Variants in CBX5 observed in about 807,000 individuals in gnomAD.
CBX5 encodes the protein chromobox protein homolog 5.
Under a neutral mutation model 20.7 loss-of-function variants are expected in CBX5, and 7 were observed. The observed-to-expected ratio is 0.34, with a 90% CI of 0.19 to 0.63. CBX5 has a LOEUF of 0.63. CBX5 is among the 30% of genes least tolerant of loss of function. The probability of loss-of-function intolerance (pLI) is 0.75; values close to 1 mark genes in which losing one functional copy is unlikely to be tolerated. For missense variants in CBX5, 110 were observed against 224.1 expected, an observed-to-expected ratio of 0.49 and a Z score of 3.25; for synonymous variants, 78 against 77.0, an observed-to-expected ratio of 1.01 and a Z score of -0.07.
chr12:54,248,776 C>T (rs992921847), intron 3 of CBX5, among the ~76,000 whole-genome samples: 8 of 152,210 alleles, frequency 5.3e-5, no homozygotes, highest in African/African-American at 1.9e-4. Context: ...AATCATCATA[C>T]AGGCAGTAAT....
chr12:54,277,352 C>T (rs1261232281), intron 1 of CBX5, among the ~76,000 whole-genome samples: 1 of 152,150 alleles, frequency 6.6e-6, no homozygotes, highest in African/African-American at 2.4e-5. Flanking sequence ...TACAGGCACC[C>T]GCCACCACAC....
rs538669895 is a variant in CBX5 at position 54,246,849 on chromosome 12, C to A, written c.325-634G>T. On this transcript the variant is annotated intron_variant, in intron 3 of 4. Coordinates refer to ENST00000209875, the MANE Select transcript of CBX5 (RefSeq NM_012117.3). ...CTCTGGAGTCAACATCTAGGAACTC[C>A]TCTAATCCCACTCACTTGGAATCTC... is the stretch of plus-strand genomic sequence containing the variant. Among the ~76,000 whole-genome samples, 5 of 151,962 alleles carry A rather than the reference C, an allele frequency of 3.3e-5. No individual in the cohort carries two copies. In the South Asian group the frequency reaches 1.0e-3, roughly 32 times the overall value.
intron 1 of CBX5, among the ~76,000 whole-genome samples, chr12:54,260,832 G>A (rs1943909789): frequency 6.6e-6 from 1 of 152,114 alleles, no homozygotes; most frequent in Non-Finnish European, 1.5e-5. Context: ...CTTTATAGAT[G>A]TGGGAACTTT....
rs12818559 is a variant in CBX5 at position 54,280,037 on chromosome 12, C to G, written c.-72G>C. ...GATTGAGAGTGATCACTCACGCTAA[C>G]GTCTGCCCTGTTCCTGTATGGTGAG... On this transcript the variant is annotated 5_prime_UTR_variant, in exon 1 of 5. Coordinates refer to ENST00000209875, the MANE Select transcript of CBX5 (RefSeq NM_012117.3). 9.6e-5 allele frequency: 15 copies of G among 156,288 alleles called. No homozygotes were observed. In the South Asian group the frequency reaches 2.6e-3, roughly 27 times the overall value. The allele number at this position is 156,288 out of a possible 1,614,324, so 9.7% of individuals were successfully genotyped here. A position where few individuals can be genotyped will look rare whatever the true frequency, so the allele number is the denominator to read the frequency against.
intron 1 of CBX5, among the ~76,000 whole-genome samples, chr12:54,271,057 A>G (rs1565874641): frequency 6.6e-6 from 1 of 152,120 alleles, no homozygotes; most frequent in African/African-American, 2.4e-5. Context: ...CCCCGTTTAA[A>G]TTTTTTTAAA....
chr12:54,279,118 G>T (rs1422587110), intron 1 of CBX5: 2 of 152,154 alleles, frequency 1.3e-5, no homozygotes, highest in Non-Finnish European at 2.9e-5. Context: ...TTGGTGTGTA[G>T]CTTTCCAAAA....
At chr12:54,276,893 G>C (rs76481136) in intron 1 of CBX5, 1 of 152,274 alleles carries the variant, frequency 6.6e-6, no homozygotes, top group African/African-American at 2.4e-5. Context: ...AAAAGAAAGA[G>C]GCTAGCTAGA....
intron 1 of CBX5, among the ~76,000 whole-genome samples, chr12:54,279,223 G>A (rs1027148833): frequency 6.6e-6 from 1 of 151,058 alleles, no homozygotes; most frequent in Non-Finnish European, 1.5e-5. Context: ...AGTACATAGA[G>A]ATTTCTCCCA....
chr12:54,248,095 G>A (rs1047167300), intron 3 of CBX5, among the ~76,000 whole-genome samples: 8 of 151,816 alleles, frequency 5.3e-5, no homozygotes, highest in Admixed American at 1.3e-4. Context: ...ACCCTGCCTC[G>A]GCCTCCCAAA....
chr12:54,251,900 C>A, intron 3 of CBX5, 141 bp downstream of exon 3: 1 of 656,616 alleles, frequency 1.5e-6, no homozygotes, highest in South Asian at 2.9e-5. Context: ...CAACATACCT[C>A]CCTGGAAGCT....
chr12:54,244,464 G>A (rs1259699556), intron 4 of CBX5, among the ~76,000 whole-genome samples: 1 of 151,912 alleles, frequency 6.6e-6, no homozygotes, highest in Non-Finnish European at 1.5e-5. Flanking sequence ...AGGGCTGGGC[G>A]CAGTGGCTCA....
chr12:54,279,540 G>A (rs868736899), intron 1 of CBX5, among the ~76,000 whole-genome samples: 1 of 152,098 alleles, frequency 6.6e-6, no homozygotes, highest in Non-Finnish European at 1.5e-5. Context: ...TTGGAGAGCC[G>A]ATTGGACGAC....
rs1458272578 is a variant in CBX5, at chr12:54,237,233, C to G, written c.*4522G>C. On this transcript the variant is annotated 3_prime_UTR_variant, in exon 5 of 5. Coordinates refer to ENST00000209875, the MANE Select transcript of CBX5 (RefSeq NM_012117.3). ...ATATCAATAGCAGGAAATCTACTTT[C>G]ACACATGGCAAACCGCGAAGAAAAA... 6 of 152,160 alleles carry G rather than the reference C, an allele frequency of 3.9e-5. No individual in the cohort carries two copies. The allele number at this position is 152,160 out of a possible 1,614,324, so 9.4% of individuals were successfully genotyped here. A position where few individuals can be genotyped will look rare whatever the true frequency, so the allele number is the denominator to read the frequency against.
At chr12:54,258,961 CAAG>C (rs1226857361) in intron 1 of CBX5, among the ~76,000 whole-genome samples, 1 of 151,578 alleles carries the variant, frequency 6.6e-6, no homozygotes, top group Non-Finnish European at 1.5e-5. Flanking sequence ...AAAATTATTA[CAAG>C]AATATATAGT....
At chr12:54,275,492 C>T (rs897879795) in intron 1 of CBX5, among the ~76,000 whole-genome samples, 1 of 151,938 alleles carries the variant, frequency 6.6e-6, no homozygotes, top group East Asian at 2.0e-4. Context: ...CTGCCCGCCT[C>T]GGCCTCCCAA....
At position 54,267,515 on chromosome 12, in the gene CBX5, CT is replaced by C. The variant is rs370474036; in HGVS notation, c.-42-9824del. Among the ~76,000 whole-genome samples the C allele has an allele frequency of 1.6e-3, 226 of 143,566 alleles. 1 individual carries two copies. Among genetic ancestry groups the C allele is most frequent in the Admixed American group, 2.0e-3 (28 of 14,254 alleles). 94.2% of individuals were successfully genotyped at this position (143,566 alleles called of 152,430 possible). On this transcript the variant is annotated intron_variant, in intron 1 of 4. Coordinates refer to ENST00000209875, the MANE Select transcript of CBX5 (RefSeq NM_012117.3). ...CTGTGTTAAGTCAGGCAATTTTTCT[CT>C]TTTTTTTTTTTTTGAGACGGAGTCT...
At chr12:54,253,346 C>T (rs1943828110) in intron 2 of CBX5, among the ~76,000 whole-genome samples, 1 of 152,014 alleles carries the variant, frequency 6.6e-6, no homozygotes, top group South Asian at 2.1e-4. Flanking sequence ...ATCTGGGAGG[C>T]TGCGGTTGTA....
intron 1 of CBX5, among the ~76,000 whole-genome samples, chr12:54,274,711 G>A (rs966954098): frequency 3.3e-5 from 5 of 152,078 alleles, no homozygotes; most frequent in African/African-American, 4.8e-5. Context: ...AGGCCGAGGC[G>A]GTTGGATCAT....
intron 1 of CBX5, among the ~76,000 whole-genome samples, chr12:54,279,484 C>A (rs905432359): frequency 3.9e-5 from 6 of 152,138 alleles, no homozygotes; most frequent in East Asian, 1.9e-4. Flanking sequence ...CCATTACAGG[C>A]ACCGACTCCC....
Sources: gnomAD v4.1 joint callset for allele counts (sites outside exome capture counted in the v4.1 genomes callset) on GRCh38, gnomAD v4.1.1 for gene constraint, MANE v1.5 for transcripts, NCBI Gene and HGNC (gene_info 2026-07-23, HGNC 2026-07-21) for gene names.